The following KCNQ3 variants were observed in gnomAD, a reference collection of about 807,000 sequenced individuals.
The protein encoded by KCNQ3 is potassium voltage-gated channel subfamily Q member 3.
In KCNQ3, 30 loss-of-function variants were observed where a neutral mutation model predicts 92.5. The observed-to-expected ratio is 0.32, with a 90% CI of 0.24 to 0.44. The LOEUF is 0.44. Ranked by LOEUF, KCNQ3 falls within the 20% of genes least tolerant of loss-of-function variation. The probability of loss-of-function intolerance (pLI) is 1.00; values close to 1 mark genes in which losing one functional copy is unlikely to be tolerated. For missense variants in KCNQ3, 913 were observed against 1,140.3 expected, an observed-to-expected ratio of 0.80 and a Z score of 2.87; for synonymous variants, 450 against 468.8, an observed-to-expected ratio of 0.96 and a Z score of 0.52.
chr8:132,456,360 A>G (rs1252129158), intron 1 of KCNQ3, among the ~76,000 whole-genome samples: 1 of 151,676 alleles, frequency 6.6e-6, no homozygotes, highest in African/African-American at 2.4e-5. Context: ...AGCATTTCCC[A>G]CTGCTATTTT....
intron 9 of KCNQ3, among the ~76,000 whole-genome samples, chr8:132,146,644 A>G (rs562819484): frequency 4.0e-5 from 6 of 151,248 alleles, no homozygotes; most frequent in African/African-American, 1.2e-4. Flanking sequence ...TCCAGGCTGG[A>G]ATGCAATGGT....
intron 9 of KCNQ3, among the ~76,000 whole-genome samples, chr8:132,148,977 G>A (rs1165116359): frequency 4.6e-5 from 7 of 152,128 alleles, no homozygotes; most frequent in Admixed American, 3.3e-4. Context: ...TATAAACCTC[G>A]CTATATTCCA....
intron 14 of KCNQ3, among the ~76,000 whole-genome samples, chr8:132,130,466 T>C (rs1824845970): frequency 6.6e-6 from 1 of 152,204 alleles, no homozygotes; most frequent in Non-Finnish European, 1.5e-5. Flanking sequence ...ATAATTTATT[T>C]TGTGCCTCCT....
At chr8:132,297,630 G>A (rs1460812646) in intron 1 of KCNQ3, among the ~76,000 whole-genome samples, 3 of 69,084 alleles carry the variant, frequency 4.3e-5, no homozygotes, top group Non-Finnish European at 7.0e-5. Flanking sequence ...ATCAATAATG[G>A]TAGTGCAGTT....
intron 1 of KCNQ3, among the ~76,000 whole-genome samples, chr8:132,449,186 G>A (rs1821764545): frequency 6.6e-6 from 1 of 152,132 alleles, no homozygotes. Flanking sequence ...CTTAGTAAAT[G>A]GCCTCATTGT....
chr8:132,132,395 C>G, intron 13 of KCNQ3, 131 bp from the exon 14 acceptor site: 2 of 741,426 alleles, frequency 2.7e-6, no homozygotes, highest in Non-Finnish European at 4.8e-6. Flanking sequence ...TAAAAGAGCA[C>G]CAATCAACTC....
At position 132,359,051 on chromosome 8, in the gene KCNQ3, C is replaced by T. The variant is rs557800890; in HGVS notation, c.386+121096G>A. Among the ~76,000 whole-genome samples the T allele has an allele frequency of 1.4e-3, 212 of 152,332 alleles. 1 individual carries two copies. Among genetic ancestry groups the T allele is most frequent in the Middle Eastern group, 3.4e-3 (1 of 294 alleles). Reference sequence around the variant, plus strand: ...TTAACACTCATTATGCTTGTTACCTCTTCACCTTGGCCCCATACTTGACCT... The same window carrying T: ...TTAACACTCATTATGCTTGTTACCTTTTCACCTTGGCCCCATACTTGACCT... On this transcript the variant is annotated intron_variant, in intron 1 of 14. Coordinates refer to ENST00000388996, the MANE Select transcript of KCNQ3 (RefSeq NM_004519.4).
chr8:132,460,823 AT>A (rs1383340486), intron 1 of KCNQ3, among the ~76,000 whole-genome samples: 1 of 152,212 alleles, frequency 6.6e-6, no homozygotes, highest in Non-Finnish European at 1.5e-5. Context: ...TGTATCCACC[AT>A]TACGGAATCA....
At chr8:132,203,205 C>T (rs570766183) in intron 1 of KCNQ3, among the ~76,000 whole-genome samples, 1 of 152,286 alleles carries the variant, frequency 6.6e-6, no homozygotes, top group South Asian at 2.1e-4. Flanking sequence ...CTTGAAGTTT[C>T]CACTTCTCAA....
At chr8:132,169,016 A>G (rs1826226677) in intron 8 of KCNQ3, among the ~76,000 whole-genome samples, 1 of 151,780 alleles carries the variant, frequency 6.6e-6, no homozygotes, top group Non-Finnish European at 1.5e-5. Context: ...TATCAAAAAC[A>G]AAAAAATGCA....
At chr8:132,149,085 T>C (rs1409533346) in intron 9 of KCNQ3, among the ~76,000 whole-genome samples, 2 of 152,256 alleles carry the variant, frequency 1.3e-5, no homozygotes, top group Non-Finnish European at 2.9e-5. Flanking sequence ...GCCGTTCATG[T>C]AGGTTTTCTG....
chr8:132,463,733 A>G (rs1433085177), intron 1 of KCNQ3, among the ~76,000 whole-genome samples: 2 of 152,224 alleles, frequency 1.3e-5, no homozygotes, highest in African/African-American at 4.8e-5. Context: ...CTCACACTTT[A>G]TCATGCTCTA....
chr8:132,275,829 G>A (rs369500592), intron 1 of KCNQ3, among the ~76,000 whole-genome samples: 4 of 152,070 alleles, frequency 2.6e-5, no homozygotes, highest in African/African-American at 9.7e-5. Flanking sequence ...CGCCCACCTC[G>A]GCCTCCCAAA....
At chr8:132,462,260 G>A (rs545434702) in intron 1 of KCNQ3, among the ~76,000 whole-genome samples, 6 of 152,006 alleles carry the variant, frequency 3.9e-5, no homozygotes, top group South Asian at 2.1e-4. Context: ...GTGCAGTGGC[G>A]CTATCTCGGC....
intron 1 of KCNQ3, among the ~76,000 whole-genome samples, chr8:132,365,788 G>C (rs11990124): frequency 0.011 from 1,686 of 152,278 alleles, 25 homozygotes; most frequent in African/African-American, 0.039. Context: ...CTAGCATTTT[G>C]GGAGGCTGAG....
At chr8:132,404,258 T>C (rs896244943) in intron 1 of KCNQ3, among the ~76,000 whole-genome samples, 16 of 152,168 alleles carry the variant, frequency 1.1e-4, no homozygotes, top group African/African-American at 3.6e-4. Flanking sequence ...GTCATTTGAG[T>C]AAGTTGCCTG....
chr8:132,297,628 T>C (rs1331846514), intron 1 of KCNQ3, among the ~76,000 whole-genome samples: 2 of 76,252 alleles, frequency 2.6e-5, no homozygotes, highest in African/African-American at 3.8e-5. Flanking sequence ...GAATCAATAA[T>C]GGTAGTGCAG....
rs144952065 is a variant in KCNQ3, at chr8:132,442,887, A to G, written c.386+37260T>C. ...ATTTAGAGAAAAAAATGTTTGAGATATTTTTAACTGACAACACCCAGCCCC... is the reference window on the plus strand; with the variant it reads ...ATTTAGAGAAAAAAATGTTTGAGATGTTTTTAACTGACAACACCCAGCCCC... On this transcript the variant is annotated intron_variant, in intron 1 of 14. Transcript: ENST00000388996. Among the ~76,000 whole-genome samples the G allele has an allele frequency of 1.8e-4, 27 of 152,280 alleles. No individual in the cohort carries two copies. In the East Asian group the frequency reaches 5.0e-3, roughly 28 times the overall value.
At chr8:132,456,912 T>C (rs1821955394) in intron 1 of KCNQ3, among the ~76,000 whole-genome samples, 1 of 152,174 alleles carries the variant, frequency 6.6e-6, no homozygotes, top group Non-Finnish European at 1.5e-5. Context: ...CGCGCCTGGC[T>C]GACTTTCTTA....
Sources: allele counts gnomAD v4.1 joint callset (sites outside exome capture counted in the v4.1 genomes callset), GRCh38; gene constraint gnomAD v4.1.1; transcripts MANE v1.5; gene names NCBI Gene and HGNC (gene_info 2026-07-23, HGNC 2026-07-21).